The following ZEB1 variants were observed in gnomAD, a reference collection of about 807,000 sequenced individuals.
The protein encoded by ZEB1 is zinc finger E-box-binding homeobox 1.
ZEB1 carries 21 observed loss-of-function variants against 84.9 expected under a neutral mutation model. The ratio of observed to expected loss-of-function variants is 0.25; its 90% CI spans 0.18 to 0.36. The LOEUF (loss-of-function observed/expected upper bound fraction) is 0.36, where lower values mean the gene tolerates loss of function less well. Among genes scored for constraint, ZEB1 ranks in the 10% least tolerant of loss-of-function variants. The probability of loss-of-function intolerance (pLI) is 1.00; values close to 1 mark genes in which losing one functional copy is unlikely to be tolerated. For synonymous variants in ZEB1, 420 were observed against 471.1 expected (o/e 0.89, Z 1.41); for missense variants, 1,104 against 1,330.2 (o/e 0.83, Z 2.65).
intron 1 of ZEB1, among the ~76,000 whole-genome samples, chr10:31,326,636 G>A (rs2035557667): frequency 6.6e-6 from 1 of 152,058 alleles, no homozygotes; most frequent in South Asian, 2.1e-4. Context: ...ACAGCTTTTT[G>A]GGTTCCTAGT....
intron 3 of ZEB1, among the ~76,000 whole-genome samples, chr10:31,499,028 G>A (rs750296499): frequency 1.1e-4 from 16 of 151,918 alleles, no homozygotes; most frequent in Admixed American, 2.6e-4. Flanking sequence ...CAGTTTTTAT[G>A]CATCTTCAGC....
At chr10:31,345,781 A>C (rs1455428118) in intron 1 of ZEB1, among the ~76,000 whole-genome samples, 2 of 152,194 alleles carry the variant, frequency 1.3e-5, no homozygotes, top group Admixed American at 1.3e-4. Flanking sequence ...AAATGCTAGG[A>C]GAGAGCCTAG....
At chr10:31,339,644 C>T (rs2038958781) in intron 1 of ZEB1, among the ~76,000 whole-genome samples, 3 of 151,926 alleles carry the variant, frequency 2.0e-5, no homozygotes, top group African/African-American at 7.3e-5. Context: ...GTGGTGCACA[C>T]CTGTAATCTC....
At chr10:31,320,864 C>T (rs939019165) in intron 1 of ZEB1, among the ~76,000 whole-genome samples, 2 of 152,186 alleles carry the variant, frequency 1.3e-5, no homozygotes, top group South Asian at 2.1e-4. Flanking sequence ...GAGCAGCCCC[C>T]GCCTGCGCCG....
intron 1 of ZEB1, among the ~76,000 whole-genome samples, chr10:31,335,113 TTATCCATCTGTAGGTGGTTACC>T (rs775795493): frequency 6.6e-6 from 1 of 152,146 alleles, no homozygotes; most frequent in Non-Finnish European, 1.5e-5. Context: ...TAGTACCCCC[TTATCCATCTGTAGGTGGTTACC>T]TATGCTCAAT....
Position 31,524,621 on chromosome 10 carries a change from GTTTT to G in ZEB1, c.2785+512_2785+515del, listed in dbSNP as rs1051824734. Among the ~76,000 whole-genome samples, 10 of 151,864 alleles carry G rather than the reference GTTTT, an allele frequency of 6.6e-5. 1 individual carries two copies. Among genetic ancestry groups the G allele is most frequent in the African/African-American group, 2.4e-4 (10 of 41,404 alleles). On this transcript the variant is annotated intron_variant, in intron 8 of 8. Transcript: ENST00000424869. ...TTTCTTTTGGTTTTTTGCTTCATCT[GTTTT>G]TTTGTTTTTTTCATGACTTATTTCC...
intron 1 of ZEB1, among the ~76,000 whole-genome samples, chr10:31,410,594 TG>T (rs2054054726): frequency 6.6e-6 from 1 of 152,226 alleles, no homozygotes; most frequent in Non-Finnish European, 1.5e-5. Flanking sequence ...AGCTCCTTTT[TG>T]TACCTCTGGT....
Position 31,521,660 on chromosome 10 carries a change from G to A in ZEB1, c.2328G>A (p.Lys776=). ...CCTTGAACTTGTCTTGCGCAAAAAA[G>A]GAGCCACAAAAGGACAGTTGTGTTA... ...EEPLNLSCAK[K]EPQKDSCVTD... Residue 776 remains lysine (K), a synonymous_variant, in exon 7 of 9, where the codon AAG becomes AAA. Transcript: ENST00000424869. 6.2e-7 allele frequency: 1 copy of A among 1,614,048 alleles called. No individual in the cohort carries two copies. Among genetic ancestry groups the A allele is most frequent in the Non-Finnish European group, 8.5e-7 (1 of 1,179,982 alleles).
At chr10:31,453,100 A>ATATG (rs2060801102) in intron 1 of ZEB1, among the ~76,000 whole-genome samples, 1 of 152,108 alleles carries the variant, frequency 6.6e-6, no homozygotes, top group Non-Finnish European at 1.5e-5. Context: ...TTCTTTTCTA[A>ATATG]CATGCAAATG....
chr10:31,467,917 T>G (rs1188992351), intron 2 of ZEB1, among the ~76,000 whole-genome samples: 1 of 152,120 alleles, frequency 6.6e-6, no homozygotes, highest in Non-Finnish European at 1.5e-5. Flanking sequence ...ACAGGTGGTT[T>G]GGGATTTGCA....
At chr10:31,388,838 T>A (rs2049113222) in intron 1 of ZEB1, among the ~76,000 whole-genome samples, 1 of 152,034 alleles carries the variant, frequency 6.6e-6, no homozygotes, top group South Asian at 2.1e-4. Flanking sequence ...AGAAAACACT[T>A]TGAATTAAAT....
At chr10:31,402,930 T>C (rs1163392532) in intron 1 of ZEB1, among the ~76,000 whole-genome samples, 2 of 152,152 alleles carry the variant, frequency 1.3e-5, no homozygotes, top group Non-Finnish European at 2.9e-5. Context: ...GCAATTTTTC[T>C]TAATACAATC....
chr10:31,426,490 G>T (rs2056941636), intron 1 of ZEB1, among the ~76,000 whole-genome samples: 2 of 152,142 alleles, frequency 1.3e-5, no homozygotes, highest in South Asian at 4.1e-4. Context: ...AAAGTCTGTA[G>T]AATAATAGCA....
Position 31,455,397 on chromosome 10 carries a change from C to A in ZEB1, c.59-5640C>A, listed in dbSNP as rs1017077728. ...ACACCAAAAGCAATGGCAACAGAAG[C>A]CAAAATTGACAAATGGGATCTAATT... On this transcript the variant is annotated intron_variant, in intron 1 of 8. Transcript: ENST00000424869. Among the ~76,000 whole-genome samples the A allele has an allele frequency of 3.9e-5, 6 of 152,172 alleles. No individual in the cohort carries two copies. The East Asian group carries it at 5.8e-4, about 15-fold the overall frequency.
chr10:31,466,288 C>T (rs1366808036), intron 2 of ZEB1, among the ~76,000 whole-genome samples: 2 of 152,180 alleles, frequency 1.3e-5, no homozygotes, highest in Non-Finnish European at 2.9e-5. Flanking sequence ...CAGAACATTC[C>T]ATTCAACAGT....
intron 1 of ZEB1, chr10:31,321,558 C>T (rs371479591): frequency 2.5e-6 from 4 of 1,613,820 alleles, no homozygotes; most frequent in African/African-American, 2.7e-5. Flanking sequence ...AAGAGCTGTT[C>T]GCTTTTTACC....
At chr10:31,496,456 T>C (rs1472715937) in intron 3 of ZEB1, among the ~76,000 whole-genome samples, 1 of 152,058 alleles carries the variant, frequency 6.6e-6, no homozygotes, top group Non-Finnish European at 1.5e-5. Flanking sequence ...TATTCCTCTG[T>C]AATGGATTCA....
chr10:31,323,877 A>T (rs2034786623), intron 1 of ZEB1, among the ~76,000 whole-genome samples: 1 of 151,990 alleles, frequency 6.6e-6, no homozygotes, highest in South Asian at 2.1e-4. Context: ...GTAATGGAAT[A>T]GCCATACTGT....
chr10:31,459,364 T>G (rs1369208648), intron 1 of ZEB1, among the ~76,000 whole-genome samples: 1 of 152,104 alleles, frequency 6.6e-6, no homozygotes, highest in East Asian at 1.9e-4. Flanking sequence ...TAAGGTGAGG[T>G]TTGTGTTACA....
Sources: allele counts gnomAD v4.1 joint callset (sites outside exome capture counted in the v4.1 genomes callset), GRCh38; gene constraint gnomAD v4.1.1; transcripts MANE v1.5; gene names NCBI Gene and HGNC (gene_info 2026-07-23, HGNC 2026-07-21).